CHUK: variants seen among roughly 807,000 people sequenced by gnomAD.
CHUK encodes component of inhibitor of nuclear factor kappa B kinase complex, also known as inhibitor of nuclear factor kappa-B kinase subunit alpha.
CHUK carries 35 observed loss-of-function variants against 104.8 expected under a neutral mutation model. The observed-to-expected ratio is 0.33, with a 90% CI of 0.26 to 0.44. The LOEUF (loss-of-function observed/expected upper bound fraction) is 0.44, where lower values mean the gene tolerates loss of function less well. CHUK is among the 20% of genes least tolerant of loss of function. The probability of loss-of-function intolerance (pLI) is 1.00; values close to 1 mark genes in which losing one functional copy is unlikely to be tolerated. For synonymous variants in CHUK, 276 were observed against 291.9 expected, an observed-to-expected ratio of 0.95 and a Z score of 0.56; for missense variants, 663 against 902.7, an observed-to-expected ratio of 0.73 and a Z score of 3.40.
At chr10:100,208,539 C>A (rs983706493) in intron 10 of CHUK, among the ~76,000 whole-genome samples, 5 of 152,062 alleles carry the variant, frequency 3.3e-5, no homozygotes, top group Non-Finnish European at 7.4e-5. Context: ...CAGTGGCTCA[C>A]GCCTGTAATC....
At chr10:100,207,436 A>G in intron 10 of CHUK, 104 bp from the exon 11 acceptor site, 1 of 688,944 alleles carries the variant, frequency 1.5e-6, no homozygotes, top group Admixed American at 2.2e-5. Context: ...ATGCAAATGA[A>G]CAAAATCAAT....
intron 4 of CHUK, among the ~76,000 whole-genome samples, chr10:100,221,486 T>G (rs144940658): frequency 0.016 from 2,464 of 152,164 alleles, 38 homozygotes; most frequent in Admixed American, 0.022. Flanking sequence ...CTCAAGGAGA[T>G]GTAATTCCAC....
chr10:100,189,093 CA>C lies in CHUK; in HGVS notation c.*504del, dbSNP rs985107065. 6 of 156,912 alleles carry C rather than the reference CA, an allele frequency of 3.8e-5. No homozygotes were observed. Among genetic ancestry groups the C allele is most frequent in the African/African-American group, 1.4e-4 (6 of 41,458 alleles). 9.7% of individuals were successfully genotyped at this position (156,912 alleles called of 1,614,324 possible). ...GGAAGAGAACCTGTTCAGTGCAACACAAGGAGGTAGAATTTATTCTTCAAGA... is the reference window on the plus strand; with the variant it reads ...GGAAGAGAACCTGTTCAGTGCAACACAGGAGGTAGAATTTATTCTTCAAGA... On this transcript the variant is annotated 3_prime_UTR_variant, in exon 21 of 21. Coordinates refer to ENST00000370397, the MANE Select transcript of CHUK (RefSeq NM_001278.5).
chr10:100,192,499 TA>T (rs1455781580), intron 19 of CHUK: 3 of 614,968 alleles, frequency 4.9e-6, no homozygotes, highest in Non-Finnish European at 6.1e-6. Context: ...TTTTCTCTCA[TA>T]AAAGTAGAGT....
Position 100,222,649 on chromosome 10 carries a change from C to T in CHUK, c.315+217G>A, listed in dbSNP as rs185430661. ...CTTTAGGTTTTGCAAGTCACATAGT[C>T]TCTGTTAAAACTACTCACTTCTGCA... On this transcript the variant is annotated intron_variant, in intron 3 of 20. Transcript: ENST00000370397. 7.9e-5 allele frequency among the ~76,000 whole-genome samples: 12 copies of T among 152,308 alleles called. No individual in the cohort carries two copies. The East Asian group carries it at 2.3e-3, about 29-fold the overall frequency.
intron 11 of CHUK, among the ~76,000 whole-genome samples, chr10:100,205,507 A>G (rs1845569400): frequency 6.6e-6 from 1 of 152,168 alleles, no homozygotes; most frequent in Admixed American, 6.5e-5. Context: ...GCAACCTGGA[A>G]TACTCTTTTT....
At chr10:100,223,036 T>C (rs1846026109) in intron 2 of CHUK, 56 bp from the exon 3 acceptor site, 4 of 883,884 alleles carry the variant, frequency 4.5e-6, no homozygotes, top group Non-Finnish European at 7.5e-6. Context: ...AAAAAGGGAC[T>C]GGATTTGAAA....
intron 13 of CHUK, among the ~76,000 whole-genome samples, chr10:100,203,333 T>C (rs777518716): frequency 1.3e-5 from 2 of 152,118 alleles, no homozygotes; most frequent in Non-Finnish European, 2.9e-5. Context: ...AACAATTGTA[T>C]AATAAGCCTT....
At chr10:100,219,843 T>TA (rs1350024157) in intron 5 of CHUK, among the ~76,000 whole-genome samples, 2,067 of 140,770 alleles carry the variant, frequency 0.015, 44 homozygotes, top group African/African-American at 0.049. Flanking sequence ...GTCTTTGGAT[T>TA]AAAAAAAAAA....
At chr10:100,187,370 C>T (rs1479888712), downstream of CHUK, 1 of 152,158 alleles carries the variant, frequency 6.6e-6, no homozygotes, top group Non-Finnish European at 1.5e-5. Flanking sequence ...TCTACCCACA[C>T]CCTTCAATAA....
chr10:100,194,549 A>G, intron 16 of CHUK, 28 bp from the exon 17 acceptor site: 5 of 1,473,152 alleles, frequency 3.4e-6, no homozygotes, highest in Non-Finnish European at 4.7e-6. Context: ...CAGTGGATAT[A>G]ACCTTTCTTC....
intron 2 of CHUK, among the ~76,000 whole-genome samples, chr10:100,223,278 C>CT (rs1332834960): frequency 6.6e-6 from 1 of 152,158 alleles, no homozygotes; most frequent in African/African-American, 2.4e-5. Flanking sequence ...TTTATTAATA[C>CT]TTTCACCACA....
rs1845183884 is a variant in CHUK, at chr10:100,190,955, G to C, written c.2122C>G (p.Gln708Glu). ...VTPQDGETSA[Q>E]MIEENLNCLG... ...CAGTTCAAATTTTCTTCTATCATTT[G>C]TGCTGAAGTCTCCCTGTGAGATGAA... is the stretch of plus-strand genomic sequence containing the variant. Residue 708 changes from glutamine (Q) to glutamate (E), a missense_variant, in exon 20 of 21, where the codon CAA (glutamine) becomes GAA (glutamate). Gln to Glu is a conservative substitution (Grantham distance 29). Transcript: ENST00000370397. 6.2e-7 allele frequency: 1 copy of C among 1,603,766 alleles called. No individual in the cohort carries two copies. The highest frequency in any genetic ancestry group is 1.3e-5 in the African/African-American group (1 of 74,682).
intron 13 of CHUK, among the ~76,000 whole-genome samples, chr10:100,202,546 T>C (rs1564833238): frequency 6.6e-6 from 1 of 152,150 alleles, no homozygotes; most frequent in Non-Finnish European, 1.5e-5. Flanking sequence ...AAGGAAAGAT[T>C]CTTCTCTACA....
chr10:100,204,140 C>T (rs1362211168), intron 13 of CHUK, among the ~76,000 whole-genome samples: 1 of 152,232 alleles, frequency 6.6e-6, no homozygotes, highest in East Asian at 1.9e-4. Context: ...ACACCTTCAC[C>T]TTCAGGGTCA....
Position 100,189,560 on chromosome 10 carries a change from A to C in CHUK, c.*38T>G. The stretch of plus-strand genomic sequence containing the variant: ...ACACATTTCCAACATGTATAGCAAC[A>C]ACTTCCATAGGTTTGGGGACAGTGA... On this transcript the variant is annotated 3_prime_UTR_variant, in exon 21 of 21. Coordinates refer to ENST00000370397, the MANE Select transcript of CHUK (RefSeq NM_001278.5). The C allele has an allele frequency of 6.4e-7, 1 of 1,569,654 alleles. No homozygotes were observed.
At chr10:100,208,044 T>C (rs1399622940) in intron 10 of CHUK, among the ~76,000 whole-genome samples, 3 of 152,226 alleles carry the variant, frequency 2.0e-5, no homozygotes, top group Non-Finnish European at 4.4e-5. Flanking sequence ...ATTTATCCTT[T>C]GGCAGGACCT....
intron 20 of CHUK, 72 bp from the exon 21 acceptor site, chr10:100,189,699 G>A (rs1045025720): frequency 1.1e-5 from 12 of 1,080,258 alleles, no homozygotes; most frequent in East Asian, 7.1e-5. Flanking sequence ...GTTCATTTTT[G>A]CAAGTTTTCT....
chr10:100,223,803 A>G (rs1589599107), intron 2 of CHUK, among the ~76,000 whole-genome samples: 1 of 152,346 alleles, frequency 6.6e-6, no homozygotes, highest in East Asian at 1.9e-4. Context: ...ACCACCAGCT[A>G]TGTGATTCTA....
Sources: allele counts gnomAD v4.1 joint callset (sites outside exome capture counted in the v4.1 genomes callset), GRCh38; gene constraint gnomAD v4.1.1; transcripts MANE v1.5; gene names NCBI Gene and HGNC (gene_info 2026-07-23, HGNC 2026-07-21).